Variants in SNX25 observed in about 807,000 individuals in gnomAD.
The protein encoded by SNX25 is sorting nexin 25, also known as sorting nexin-25.
A neutral mutation model predicts 113.7 loss-of-function variants in SNX25; 62 were observed. The observed-to-expected ratio is 0.55, with a 90% CI of 0.44 to 0.67. The LOEUF is 0.67. SNX25 is among the 30% of genes least tolerant of loss of function. The pLI is 0.00. For missense variants in SNX25, 1,014 were observed against 1,161.0 expected (o/e 0.87, Z 1.84); for synonymous variants, 421 against 436.2 (o/e 0.97, Z 0.43).
At chr4:185,299,706 T>C (rs1158567911) in intron 6 of SNX25, among the ~76,000 whole-genome samples, 1 of 152,202 alleles carries the variant, frequency 6.6e-6, no homozygotes, top group African/African-American at 2.4e-5. Flanking sequence ...TGGCCAAGTG[T>C]AGGAATTCTA....
In SNX25 at chr4:185,363,350, C is replaced by T. The variant is rs753722615; in HGVS notation, c.2935-35C>T. Reference sequence around the variant, plus strand: ...TTTTGAATAAACCCTTGGAGAAAAACATTTTTCCACTTTTTTCCTTCTTTG... The same window carrying T: ...TTTTGAATAAACCCTTGGAGAAAAATATTTTTCCACTTTTTTCCTTCTTTG... On this transcript the variant is annotated intron_variant, in intron 18 of 18. Transcript: ENST00000652585. The surrounding 1 kb of genome is among the most constrained non-coding windows in gnomAD (Gnocchi z 4.2). 5 of 1,605,740 alleles carry T rather than the reference C, an allele frequency of 3.1e-6. No individual in the cohort carries two copies. The East Asian group carries it at 8.9e-5, about 29-fold the overall frequency.
At chr4:185,265,005 TC>T (rs113020352) in intron 4 of SNX25, among the ~76,000 whole-genome samples, 55,851 of 150,688 alleles carry the variant, frequency 0.37, 11,010 homozygotes, top group East Asian at 0.57. Flanking sequence ...CTTTTTTTTT[TC>T]TTTAAATAGA....
downstream of SNX25, among the ~76,000 whole-genome samples, chr4:185,371,384 T>TA (rs1167877690): frequency 6.6e-6 from 1 of 151,328 alleles, no homozygotes; most frequent in African/African-American, 2.4e-5. Flanking sequence ...CTAAAAAAGA[T>TA]ACAAAAAATT....
At position 185,363,319 on chromosome 4, in the gene SNX25, T is replaced by C. The variant is rs1380955460; in HGVS notation, c.2935-66T>C. The C allele has an allele frequency of 2.7e-5, 40 of 1,482,148 alleles. No individual in the cohort carries two copies. The highest frequency in any genetic ancestry group is 3.7e-5 in the Non-Finnish European group (40 of 1,069,528). The allele number at this position is 1,482,148 out of a possible 1,614,324, so 91.8% of individuals were successfully genotyped here. A position where few individuals can be genotyped will look rare whatever the true frequency, so the allele number is the denominator to read the frequency against. On this transcript the variant is annotated intron_variant, in intron 18 of 18. Coordinates refer to ENST00000652585, the MANE Select transcript of SNX25 (RefSeq NM_001378034.2). This position sits in a 1 kb window ranked among gnomAD's most constrained non-coding sequence, Gnocchi z 4.2. ...ATTAGACTTTTCTCTTAGATGCAGA[T>C]ATTTATTTTGAATAAACCCTTGGAG... is the stretch of plus-strand genomic sequence containing the variant.
intron 13 of SNX25, among the ~76,000 whole-genome samples, chr4:185,347,277 A>AT (rs746701591): frequency 2.6e-5 from 4 of 152,152 alleles, no homozygotes; most frequent in Non-Finnish European, 5.9e-5. Context: ...ATGCCCAGAG[A>AT]TTAGGATTTC....
chr4:185,374,468 CAAAA>C (rs958099757), downstream of SNX25: 4 of 1,605,384 alleles, frequency 2.5e-6, no homozygotes, highest in South Asian at 1.1e-5. Flanking sequence ...TCTCCTTCGA[CAAAA>C]GAAAGAGCAA....
rs141910007 is a variant in SNX25, at chr4:185,281,677, T to C, written c.1092-6335T>C. ...ACAAATTCTATAACTGAAGTCCCTC[T>C]AACAAAAACATTCCTAGCCTGTGGC... On this transcript the variant is annotated intron_variant, in intron 5 of 18. Transcript: ENST00000652585. 1.8e-4 allele frequency among the ~76,000 whole-genome samples: 28 copies of C among 152,292 alleles called. No homozygotes were observed. The East Asian group carries it at 5.2e-3, about 28-fold the overall frequency.
chr4:185,347,652 G>A (rs1171387283), intron 13 of SNX25, among the ~76,000 whole-genome samples: 4 of 152,040 alleles, frequency 2.6e-5, no homozygotes, highest in African/African-American at 9.7e-5. Context: ...TGTATTTTTA[G>A]TAGAGACGGG....
At chr4:185,284,848 T>G (rs1343400477) in intron 5 of SNX25, among the ~76,000 whole-genome samples, 9 of 152,154 alleles carry the variant, frequency 5.9e-5, no homozygotes, top group Non-Finnish European at 5.9e-5. Flanking sequence ...CTGAAGGTAG[T>G]GTAAGCAAGA....
chr4:185,283,687 C>T (rs1750961722), intron 5 of SNX25, among the ~76,000 whole-genome samples: 1 of 152,176 alleles, frequency 6.6e-6, no homozygotes, highest in South Asian at 2.1e-4. Context: ...CATTCTGTCT[C>T]TAGGACTTAA....
downstream of SNX25, chr4:185,373,146 A>T (rs943187951): frequency 2.2e-6 from 3 of 1,373,112 alleles, no homozygotes; most frequent in African/African-American, 2.9e-5. Context: ...GGAATACTAG[A>T]CAGAAAAGAA....
At chr4:185,286,770 A>G (rs1192199217) in intron 5 of SNX25, among the ~76,000 whole-genome samples, 1 of 152,236 alleles carries the variant, frequency 6.6e-6, no homozygotes, top group Non-Finnish European at 1.5e-5. Context: ...GCATGCCAAC[A>G]CTGCTCCTGA....
the SNX25 span, chr4:185,375,503 T>TA: frequency 1.4e-5 from 1 of 69,542 alleles, no homozygotes; most frequent in African/African-American, 7.4e-5. Context: ...TATATATATA[T>TA]ATATATATAT....
At chr4:185,317,934 T>A (rs1192055775) in intron 7 of SNX25, among the ~76,000 whole-genome samples, 2 of 152,074 alleles carry the variant, frequency 1.3e-5, no homozygotes, top group African/African-American at 4.8e-5. Context: ...ATCCCAGAAT[T>A]TAAAGTAAAA....
chr4:185,321,325 C>T (rs1231282594), intron 8 of SNX25, among the ~76,000 whole-genome samples: 1 of 147,332 alleles, frequency 6.8e-6, no homozygotes, highest in Non-Finnish European at 1.5e-5. Context: ...TGCAGTGGGG[C>T]GATCTCGGCT....
intron 1 of SNX25, among the ~76,000 whole-genome samples, chr4:185,216,759 G>A (rs1050563894): frequency 6.6e-6 from 1 of 152,026 alleles, no homozygotes; most frequent in Non-Finnish European, 1.5e-5. Context: ...GACCTCAGAT[G>A]ATCCACCCGC....
exon 12 of SNX25, chr4:185,369,925 C>T (rs1428177350): frequency 3.4e-6 from 1 of 293,242 alleles, no homozygotes; most frequent in African/African-American, 2.2e-5. Context: ...CTCCCCCACT[C>T]AGGCTGAACA....
At chr4:185,276,527 C>T (rs1749703998) in intron 5 of SNX25, among the ~76,000 whole-genome samples, 1 of 152,166 alleles carries the variant, frequency 6.6e-6, no homozygotes, top group Non-Finnish European at 1.5e-5. Flanking sequence ...GAGAACGTGG[C>T]CTATATGTGC....
At chr4:185,316,286 C>T (rs946729936) in intron 7 of SNX25, among the ~76,000 whole-genome samples, 2 of 152,118 alleles carry the variant, frequency 1.3e-5, no homozygotes, top group South Asian at 2.1e-4. Flanking sequence ...TAACAAGTCT[C>T]CGAACAACCT....
Sources: allele counts gnomAD v4.1 joint callset (sites outside exome capture counted in the v4.1 genomes callset), GRCh38; gene constraint gnomAD v4.1.1; non-coding constraint Gnocchi (gnomAD v3.1); transcripts MANE v1.5; gene names NCBI Gene and HGNC (gene_info 2026-07-23, HGNC 2026-07-21).